TAFA4: variants seen among roughly 807,000 people sequenced by gnomAD.
The protein encoded by TAFA4 is TAFA chemokine like family member 4.
TAFA4 carries 20 observed loss-of-function variants against 21.1 expected under a neutral mutation model. That is an observed-to-expected ratio of 0.95 (90% CI 0.67 to 1.38). The LOEUF is 1.38. Ranked by LOEUF, TAFA4 falls within the 40% of genes most tolerant of loss-of-function variation. The pLI is 0.00. For synonymous variants in TAFA4, 71 were observed against 67.4 expected (o/e 1.05, Z -0.26); for missense variants, 211 against 180.9 (o/e 1.17, Z -0.95).
At chr3:68,826,875 T>G (rs1002417351) in intron 3 of TAFA4, among the ~76,000 whole-genome samples, 1 of 152,130 alleles carries the variant, frequency 6.6e-6, no homozygotes, top group Non-Finnish European at 1.5e-5. Context: ...TTGTATAATT[T>G]CAAAAAATTT....
At chr3:68,826,147 G>T (rs967773328) in intron 3 of TAFA4, among the ~76,000 whole-genome samples, 2 of 152,200 alleles carry the variant, frequency 1.3e-5, no homozygotes, top group South Asian at 4.1e-4. Context: ...GCTCCGAAGG[G>T]AGAAGATGCC....
chr3:68,761,117 G>T (rs78170028), intron 3 of TAFA4, among the ~76,000 whole-genome samples: 288 of 152,288 alleles, frequency 1.9e-3, no homozygotes, highest in African/African-American at 6.4e-3. Flanking sequence ...CCAGACTTAG[G>T]TAATTTGATT....
At chr3:68,811,975 C>T (rs1036167411) in intron 3 of TAFA4, among the ~76,000 whole-genome samples, 4 of 152,160 alleles carry the variant, frequency 2.6e-5, no homozygotes, top group African/African-American at 9.7e-5. Flanking sequence ...CAGCGGATCT[C>T]TCAGCAGAAA....
chr3:68,752,891 T>C lies in TAFA4; in HGVS notation c.258A>G (p.Thr86=). 1 of 1,614,112 alleles carries C rather than the reference T, an allele frequency of 6.2e-7. No individual in the cohort carries two copies. The highest frequency in any genetic ancestry group is 8.5e-7 in the Non-Finnish European group (1 of 1,180,030). Residue 86 remains threonine (T), a synonymous_variant, in exon 4 of 6, where the codon ACA becomes ACG. Transcript: ENST00000295569. The stretch of plus-strand genomic sequence containing the variant: ...CAACACAAGAAGGTTGAGCCCGAGT[T>C]GTGCCCGCCACCTGTCCCGGGAAGC... ...CSCFPGQVAG[T]TRAQPSCVEA...
intron 3 of TAFA4, among the ~76,000 whole-genome samples, chr3:68,779,483 T>G (rs1181525708): frequency 1.3e-5 from 2 of 152,158 alleles, no homozygotes; most frequent in Non-Finnish European, 2.9e-5. Context: ...AATGGTTTCA[T>G]GAGCTGGGCC....
intron 3 of TAFA4, among the ~76,000 whole-genome samples, chr3:68,854,861 A>G (rs1286917572): frequency 6.6e-6 from 1 of 152,098 alleles, no homozygotes; most frequent in African/African-American, 2.4e-5. Context: ...CAGAAAAGAA[A>G]TATTTTACCG....
chr3:68,766,481 T>TA (rs893068363), intron 3 of TAFA4, among the ~76,000 whole-genome samples: 11 of 151,870 alleles, frequency 7.2e-5, no homozygotes, highest in South Asian at 2.1e-4. Context: ...AATGCTATGA[T>TA]AAAAAAATCA....
chr3:68,738,097 A>T (rs879192260), intron 5 of TAFA4, among the ~76,000 whole-genome samples: 5 of 152,330 alleles, frequency 3.3e-5, no homozygotes, highest in Admixed American at 6.5e-5. Flanking sequence ...AACCATAATA[A>T]ATGCTCAGAG....
intron 2 of TAFA4, among the ~76,000 whole-genome samples, chr3:68,884,282 C>T (rs555956881): frequency 2.0e-5 from 3 of 152,284 alleles, no homozygotes; most frequent in Admixed American, 1.3e-4. Flanking sequence ...GTCAAGGAAA[C>T]GCAACAGCTG....
intron 4 of TAFA4, among the ~76,000 whole-genome samples, chr3:68,742,172 A>AAAACTCTCAACAAAGATAATTTT (rs1332867374): frequency 3.9e-5 from 6 of 152,236 alleles, no homozygotes; most frequent in Admixed American, 6.5e-5. Context: ...CTTTATGATA[A>AAAACTCTCAACAAAGATAATTTT]AAACTCTCAA....
intron 1 of TAFA4, among the ~76,000 whole-genome samples, chr3:68,921,854 C>T (rs1447884678): frequency 1.3e-5 from 2 of 152,212 alleles, no homozygotes; most frequent in Non-Finnish European, 2.9e-5. Context: ...TTACATGCTA[C>T]GTACAGCAAA....
chr3:68,819,648 C>G (rs373237682), intron 3 of TAFA4, among the ~76,000 whole-genome samples: 2 of 152,080 alleles, frequency 1.3e-5, no homozygotes, highest in East Asian at 3.9e-4. Flanking sequence ...AGTCCAAGGA[C>G]CTGAATAGAT....
rs527329838 is a variant in TAFA4 at position 68,890,818 on chromosome 3, G to A, written c.-122-5508C>T. Among the ~76,000 whole-genome samples the A allele has an allele frequency of 5.3e-5, 8 of 152,312 alleles. No individual in the cohort carries two copies. The East Asian group carries it at 1.3e-3, about 26-fold the overall frequency. ...ACTTGAAGACATTGGTCATCAATCTGACATTAAAAATTCTGTCTGTGGCTG... is the reference window on the plus strand; with the variant it reads ...ACTTGAAGACATTGGTCATCAATCTAACATTAAAAATTCTGTCTGTGGCTG... On this transcript the variant is annotated intron_variant, in intron 1 of 5. Coordinates refer to ENST00000295569, the MANE Select transcript of TAFA4 (RefSeq NM_182522.5).
chr3:68,754,348 C>T (rs904407722), intron 3 of TAFA4, among the ~76,000 whole-genome samples: 1 of 152,198 alleles, frequency 6.6e-6, no homozygotes, highest in Admixed American at 6.5e-5. Flanking sequence ...CATTAGCCTC[C>T]TTTATTCAGA....
chr3:68,883,679 T>C (rs909477482), intron 2 of TAFA4, among the ~76,000 whole-genome samples: 9 of 152,240 alleles, frequency 5.9e-5, no homozygotes, highest in African/African-American at 1.4e-4. Flanking sequence ...TGATCATGTA[T>C]GTCAAACGTT....
chr3:68,773,007 A>G (rs1702986975), intron 3 of TAFA4, among the ~76,000 whole-genome samples: 1 of 152,214 alleles, frequency 6.6e-6, no homozygotes, highest in African/African-American at 2.4e-5. Context: ...TCAATCATCT[A>G]TATGAGAGAG....
intron 3 of TAFA4, among the ~76,000 whole-genome samples, chr3:68,806,868 G>C (rs931419942): frequency 6.6e-6 from 1 of 152,154 alleles, no homozygotes; most frequent in African/African-American, 2.4e-5. Flanking sequence ...CCAGAACTGT[G>C]AGAAATGAAT....
intron 4 of TAFA4, among the ~76,000 whole-genome samples, chr3:68,741,821 CTCCA>C (rs1184282258): frequency 2.3e-3 from 350 of 152,132 alleles, no homozygotes; most frequent in African/African-American, 8.2e-3. Context: ...AATAAAAACT[CTCCA>C]CTTTCTCTTC....
intron 5 of TAFA4, among the ~76,000 whole-genome samples, chr3:68,738,153 T>C (rs1428439515): frequency 1.3e-5 from 2 of 151,600 alleles, no homozygotes; most frequent in African/African-American, 2.4e-5. Context: ...CCCGAAAAAA[T>C]GATGATTAGC....
Sources: gnomAD v4.1 joint callset for allele counts (sites outside exome capture counted in the v4.1 genomes callset) on GRCh38, gnomAD v4.1.1 for gene constraint, MANE v1.5 for transcripts, NCBI Gene and HGNC (gene_info 2026-07-23, HGNC 2026-07-21) for gene names.